TSNAX: variants seen among roughly 807,000 people sequenced by gnomAD.
TSNAX encodes translin associated factor X.
Under a neutral mutation model 33.0 loss-of-function variants are expected in TSNAX, and 12 were observed. That is an observed-to-expected ratio of 0.36 (90% confidence interval 0.23 to 0.59). The LOEUF (loss-of-function observed/expected upper bound fraction) is 0.59. TSNAX is among the 20% of genes least tolerant of loss of function. TSNAX has a pLI of 0.74. For missense variants in TSNAX, 267 were observed against 341.3 expected, an observed-to-expected ratio of 0.78 and a Z score of 1.72; for synonymous variants, 110 against 117.2, an observed-to-expected ratio of 0.94 and a Z score of 0.40.
At chr1:231,542,775 G>A in intron 4 of TSNAX, 164 bp downstream of exon 4, 1 of 775,314 alleles carries the variant, frequency 1.3e-6, no homozygotes, top group Non-Finnish European at 2.0e-6. Context: ...AGGCAAGTTG[G>A]CTTTATGTTT....
chr1:231,532,131 A>AAC (rs745744924), intron 2 of TSNAX, among the ~76,000 whole-genome samples: 4,180 of 84,778 alleles, frequency 0.049, 153 homozygotes, highest in Admixed American at 0.052. Flanking sequence ...TAGTGGTAAT[A>AAC]ACACACACAC....
chr1:231,542,489 A>T lies in TSNAX; in HGVS notation c.245A>T (p.Asp82Val). 1 of 1,613,820 alleles carries T rather than the reference A, an allele frequency of 6.2e-7. No individual in the cohort carries two copies. The highest frequency in any genetic ancestry group is 8.5e-7 in the Non-Finnish European group (1 of 1,179,886). The change falls in exon 4 of 6, where the codon GAT (aspartate) becomes GTT (valine). Residue 82 changes from aspartate (D) to valine (V), a missense_variant. Asp to Val is a radical substitution (Grantham distance 152). Around this residue, in one of 2 missense-constraint regions of TSNAX, gnomAD observed 200 missense variants for 214.1 expected, o/e 0.93. Coordinates refer to ENST00000366639, the MANE Select transcript of TSNAX (RefSeq NM_005999.3). ...FLLHRITSAP[D>V]MEDILTESEI... ...CAATATCTTGATCATAGTGCTCCTG[A>T]TATGGAAGATATATTGACTGAATCA...
At chr1:231,561,756 C>G (rs1661131915) in intron 5 of TSNAX, among the ~76,000 whole-genome samples, 1 of 152,158 alleles carries the variant, frequency 6.6e-6, no homozygotes, top group South Asian at 2.1e-4. Context: ...CAGTGTGCTA[C>G]AGGGATCCCT....
At chr1:231,551,033 T>C (rs919831276) in intron 4 of TSNAX, among the ~76,000 whole-genome samples, 2 of 152,254 alleles carry the variant, frequency 1.3e-5, no homozygotes, top group African/African-American at 2.4e-5. Flanking sequence ...AGTTCTATAA[T>C]ATAGTTTAGT....
Position 231,564,665 on chromosome 1 carries a change from T to C in TSNAX, c.633T>C (p.Ile211=), listed in dbSNP as rs746371796. 1 of 1,614,140 alleles carries C rather than the reference T, an allele frequency of 6.2e-7. No homozygotes were observed. The highest frequency in any genetic ancestry group is 1.6e-4 in the Middle Eastern group (1 of 6,062). The change falls in exon 6 of 6, where the codon ATT becomes ATC. Residue 211 remains isoleucine, a synonymous_variant. Transcript: ENST00000366639. ...TTAACAGTGTGGGGAATGGGGACAT[T>C]GATACCCCCTTTGAAGTGAGCCAGT... ...MCINSVGNGD[I]DTPFEVSQFL...
chr1:231,541,941 G>A (rs1313617493), intron 3 of TSNAX, among the ~76,000 whole-genome samples: 5 of 152,022 alleles, frequency 3.3e-5, no homozygotes, highest in East Asian at 1.9e-4. Flanking sequence ...AATTTTAGCT[G>A]TCTCGATCCC....
intron 4 of TSNAX, among the ~76,000 whole-genome samples, chr1:231,544,624 G>C (rs150592494): frequency 6.6e-6 from 1 of 152,208 alleles, no homozygotes; most frequent in Non-Finnish European, 1.5e-5. Flanking sequence ...CAGATTTGCT[G>C]TATTTGGCCC....
rs146637889 is a variant in TSNAX, at chr1:231,552,815, A to G, written c.368-8313A>G. Among the ~76,000 whole-genome samples the G allele has an allele frequency of 1.1e-4, 17 of 152,276 alleles. No homozygotes were observed. The East Asian group carries it at 3.3e-3, about 29-fold the overall frequency. On this transcript the variant is annotated intron_variant, in intron 4 of 5. Coordinates refer to ENST00000366639, the MANE Select transcript of TSNAX (RefSeq NM_005999.3). ...CTTTTGTCTCTATGGTAATTTGTCT[A>G]TTCTGGATATCTCATATAAATTGAA...
chr1:231,530,240 A>G (rs1489239087), intron 2 of TSNAX, among the ~76,000 whole-genome samples: 1 of 152,164 alleles, frequency 6.6e-6, no homozygotes, highest in Non-Finnish European at 1.5e-5. Flanking sequence ...AGTTTTAAAA[A>G]CTGTCTCACA....
chr1:231,539,191 T>C (rs1328772454), intron 3 of TSNAX, among the ~76,000 whole-genome samples: 1 of 151,894 alleles, frequency 6.6e-6, no homozygotes, highest in Non-Finnish European at 1.5e-5. Context: ...ACTGTTCTTA[T>C]TAATTATGGA....
rs1659243094 is a variant in TSNAX at position 231,537,270 on chromosome 1, G to T, written c.179G>T (p.Ser60Ile). The change falls in exon 3 of 6, where the codon AGT (serine) becomes ATT (isoleucine). Residue 60 changes from serine to isoleucine, a missense_variant. Ser to Ile is a moderately radical substitution (Grantham distance 142). Around this residue, in one of 2 missense-constraint regions of TSNAX, gnomAD observed 200 missense variants for 214.1 expected, o/e 0.93. Coordinates refer to ENST00000366639, the MANE Select transcript of TSNAX (RefSeq NM_005999.3). ...AAATATGAGAGACTTGTGAAACTTA[G>T]TCGGGATATAACTGTTGAAAGTAAA... ...HDKYERLVKL[S>I]RDITVESKRT... 1 of 1,613,750 alleles carries T rather than the reference G, an allele frequency of 6.2e-7. No homozygotes were observed. Among genetic ancestry groups the T allele is most frequent in the Non-Finnish European group, 8.5e-7 (1 of 1,179,868 alleles).
chr1:231,551,291 C>T (rs1660276367), intron 4 of TSNAX, among the ~76,000 whole-genome samples: 1 of 152,126 alleles, frequency 6.6e-6, no homozygotes, highest in Admixed American at 6.5e-5. Context: ...TGTGAGGTCT[C>T]CTTGTAAGAG....
intron 4 of TSNAX, among the ~76,000 whole-genome samples, chr1:231,547,071 A>G (rs1423966910): frequency 7.6e-4 from 116 of 152,216 alleles, no homozygotes; most frequent in Non-Finnish European, 5.9e-5. Flanking sequence ...CTGATATGGT[A>G]ATTTGATGTT....
chr1:231,550,971 T>G (rs1246888110), intron 4 of TSNAX, among the ~76,000 whole-genome samples: 1 of 152,058 alleles, frequency 6.6e-6, no homozygotes, highest in Non-Finnish European at 1.5e-5. Flanking sequence ...ATTTGAGAAT[T>G]ATTGGAATGA....
At chr1:231,541,091 G>T (rs1459430451) in intron 3 of TSNAX, among the ~76,000 whole-genome samples, 1 of 152,106 alleles carries the variant, frequency 6.6e-6, no homozygotes, top group African/African-American at 2.4e-5. Context: ...TACATTTAAT[G>T]CAGTTATTGC....
intron 4 of TSNAX, among the ~76,000 whole-genome samples, chr1:231,545,073 T>G (rs908706038): frequency 7.7e-5 from 11 of 142,408 alleles, no homozygotes; most frequent in African/African-American, 2.9e-4. Context: ...AATAAAGATG[T>G]TTTTTCTTAA....
chr1:231,536,928 G>T (rs1173738554), intron 2 of TSNAX: 2 of 191,900 alleles, frequency 1.0e-5, no homozygotes, highest in Non-Finnish European at 2.1e-5. Flanking sequence ...TGCCTCCGGG[G>T]TTCAAGCGAT....
In TSNAX at chr1:231,565,928, TATA is replaced by T. The variant is rs1661401075; in HGVS notation, c.*1027_*1029del. ...GTCTGATAGAGAATTGGAGCTAAAT[TATA>T]ATATTTTTGTTGGTAAAGTTGAGTT... On this transcript the variant is annotated 3_prime_UTR_variant, in exon 6 of 6. Coordinates refer to ENST00000366639, the MANE Select transcript of TSNAX (RefSeq NM_005999.3). 6.6e-6 allele frequency: 1 copy of T among 152,142 alleles called. No homozygotes were observed. Among genetic ancestry groups the T allele is most frequent in the African/African-American group, 2.4e-5 (1 of 41,446 alleles). 9.4% of individuals were successfully genotyped at this position (152,142 alleles called of 1,614,324 possible).
chr1:231,554,261 A>G (rs1660543664), intron 4 of TSNAX, among the ~76,000 whole-genome samples: 1 of 152,222 alleles, frequency 6.6e-6, no homozygotes, highest in East Asian at 1.9e-4. Flanking sequence ...TTTTAACTTA[A>G]GTACAACTAG....
Sources: allele counts gnomAD v4.1 joint callset (sites outside exome capture counted in the v4.1 genomes callset), GRCh38; gene constraint gnomAD v4.1.1; regional missense constraint gnomAD v4.1.1; transcripts MANE v1.5; gene names NCBI Gene and HGNC (gene_info 2026-07-23, HGNC 2026-07-21).